GSE1: variants seen among roughly 807,000 people sequenced by gnomAD.
GSE1 encodes Gse1 coiled-coil protein.
In GSE1, 32 loss-of-function variants were observed where a neutral mutation model predicts 112.6. The ratio of observed to expected loss-of-function variants is 0.28; its 90% CI spans 0.21 to 0.38. The LOEUF (loss-of-function observed/expected upper bound fraction) is 0.38. Among genes scored for constraint, GSE1 ranks in the 10% least tolerant of loss-of-function variants. GSE1 has a pLI of 1.00. For missense variants in GSE1, 2,348 were observed against 1,699.2 expected (o/e 1.38, Z -6.71); for synonymous variants, 1,115 against 735.6 (o/e 1.52, Z -8.35).
intron 11 of GSE1, chr16:85,664,433 G>C (rs938749301): frequency 6.6e-6 from 1 of 152,322 alleles, no homozygotes; most frequent in South Asian, 2.1e-4. Flanking sequence ...GGCTAGTGAC[G>C]TGTTGATTGC....
chr16:85,298,469 C>G (rs1027886922), intron 1 of GSE1, among the ~76,000 whole-genome samples: 1 of 152,070 alleles, frequency 6.6e-6, no homozygotes, highest in Non-Finnish European at 1.5e-5. Flanking sequence ...TCTCTCTCAC[C>G]CAGGTTGGAG....
rs3803639 is a variant in GSE1 at position 85,171,564 on chromosome 16, G to A, written c.2040G>A (p.Glu680=). 9 of 985,606 alleles carry A rather than the reference G, an allele frequency of 9.1e-6. No individual in the cohort carries two copies. The East Asian group carries it at 9.1e-4, about 99-fold the overall frequency. 61.1% of individuals were successfully genotyped at this position (985,606 alleles called of 1,614,324 possible). Residue 680 remains glutamate, a synonymous_variant, in exon 1 of 3, where the codon GAG becomes GAA. Transcript: ENST00000637419. The stretch of plus-strand genomic sequence containing the variant: ...CCTGGTCCCGGCAGTACCAGGTGGA[G>A]ACGTTCGTGTGCTTCTTTTGTCAGC...
chr16:85,342,397 C>G (rs2046642724), intron 1 of GSE1, among the ~76,000 whole-genome samples: 1 of 152,206 alleles, frequency 6.6e-6, no homozygotes, highest in Non-Finnish European at 1.5e-5. Flanking sequence ...ATCACTTTAG[C>G]TAATGCCCTG....
intron 1 of GSE1, chr16:85,593,004 T>A (rs1395555075): frequency 1.3e-5 from 2 of 152,352 alleles, no homozygotes. Flanking sequence ...GGATTGCATT[T>A]GGCTATTGGA....
At chr16:85,224,228 G>T (rs766566024) in intron 1 of GSE1, among the ~76,000 whole-genome samples, 1 of 136,548 alleles carries the variant, frequency 7.3e-6, no homozygotes, top group African/African-American at 2.7e-5. Context: ...TGAAGGATGC[G>T]CATGAAAAGC....
intron 1 of GSE1, among the ~76,000 whole-genome samples, chr16:85,615,119 T>C (rs2048290784): frequency 6.6e-6 from 1 of 152,118 alleles, no homozygotes; most frequent in Non-Finnish European, 1.5e-5. Context: ...TTGGGGCACT[T>C]CAGTGTTGCT....
In GSE1 at chr16:85,615,092, C is replaced by G. The variant is rs1485653391; in HGVS notation, c.7+1694C>G. On this transcript the variant is annotated intron_variant, in intron 1 of 15. Coordinates refer to ENST00000253458, the MANE Select transcript of GSE1 (RefSeq NM_014615.5). ...AGGTGAGCAGCCTTCCCTGGCCTCC[C>G]TCGGTGTTGCTTAAGCTTGGGGCAC... Among the ~76,000 whole-genome samples, 5 of 152,220 alleles carry G rather than the reference C, an allele frequency of 3.3e-5. No homozygotes were observed. The East Asian group carries it at 7.7e-4, about 23-fold the overall frequency.
intron 2 of GSE1, among the ~76,000 whole-genome samples, chr16:85,394,489 C>T (rs1020579897): frequency 1.3e-5 from 2 of 152,144 alleles, no homozygotes; most frequent in Non-Finnish European, 2.9e-5. Flanking sequence ...GGTGGTTCCT[C>T]GGATGAGCGG....
chr16:85,292,770 A>G (rs1346469454), intron 1 of GSE1, among the ~76,000 whole-genome samples: 3 of 152,156 alleles, frequency 2.0e-5, no homozygotes, highest in Non-Finnish European at 4.4e-5. Flanking sequence ...AGAATGAACC[A>G]CTGGTAAGTG....
chr16:85,248,236 C>T (rs983999742), intron 1 of GSE1, among the ~76,000 whole-genome samples: 2 of 152,190 alleles, frequency 1.3e-5, no homozygotes, highest in Non-Finnish European at 2.9e-5. Context: ...TACTCCGCCT[C>T]GGCCTCCCTC....
At chr16:85,448,482 C>T (rs567874846) in intron 2 of GSE1, among the ~76,000 whole-genome samples, 5 of 152,340 alleles carry the variant, frequency 3.3e-5, no homozygotes, top group Admixed American at 6.5e-5. Context: ...GCTCCAGTCA[C>T]CTGTCATGCT....
At chr16:85,396,684 G>A (rs563083838) in intron 2 of GSE1, among the ~76,000 whole-genome samples, 22 of 152,362 alleles carry the variant, frequency 1.4e-4, no homozygotes, top group East Asian at 1.9e-4. Context: ...ACCCCACAAC[G>A]GGGCAGGATG....
exon 1 of GSE1, chr16:85,169,608 C>G (rs1201294013): frequency 1.3e-5 from 13 of 982,738 alleles, no homozygotes; most frequent in Non-Finnish European, 1.6e-5. Flanking sequence ...GCGCGCCGCT[C>G]TCCTGCTTCA....
chr16:85,301,253 G>T (rs2045516145), intron 1 of GSE1, among the ~76,000 whole-genome samples: 1 of 152,256 alleles, frequency 6.6e-6, no homozygotes, highest in East Asian at 1.9e-4. Context: ...TTGGGCCCAG[G>T]AAAGTGGTGC....
chr16:85,650,635 G>A (rs975826195), intron 3 of GSE1, among the ~76,000 whole-genome samples: 9 of 152,204 alleles, frequency 5.9e-5, no homozygotes, highest in African/African-American at 2.2e-4. Flanking sequence ...GCCCGCCCCA[G>A]CAGTGTACCA....
chr16:85,620,036 C>T (rs1028864551), intron 1 of GSE1, among the ~76,000 whole-genome samples: 5 of 152,172 alleles, frequency 3.3e-5, no homozygotes, highest in African/African-American at 1.2e-4. Flanking sequence ...TGGCTCAAGC[C>T]TGTAATCCCA....
intron 1 of GSE1, among the ~76,000 whole-genome samples, chr16:85,625,930 A>G (rs1291494339): frequency 6.6e-6 from 1 of 152,132 alleles, no homozygotes; most frequent in Non-Finnish European, 1.5e-5. Context: ...CTCCTGGGGT[A>G]GGGACTCCTG....
At chr16:85,287,398 G>T (rs1405337350) in intron 1 of GSE1, among the ~76,000 whole-genome samples, 1 of 152,080 alleles carries the variant, frequency 6.6e-6, no homozygotes, top group Admixed American at 6.5e-5. Context: ...TGAAACAGCC[G>T]TGCATGTCCC....
At chr16:85,535,645 G>A (rs764937838) in intron 2 of GSE1, among the ~76,000 whole-genome samples, 2 of 152,200 alleles carry the variant, frequency 1.3e-5, no homozygotes, top group Non-Finnish European at 2.9e-5. Context: ...GGTGAAAGGA[G>A]AAGTGGGTGG....
Sources: gnomAD v4.1 joint callset for allele counts (sites outside exome capture counted in the v4.1 genomes callset) on GRCh38, gnomAD v4.1.1 for gene constraint, MANE v1.5 for transcripts, NCBI Gene and HGNC (gene_info 2026-07-23, HGNC 2026-07-21) for gene names.